Variants in TBC1D32 observed in about 807,000 individuals in gnomAD.
The protein encoded by TBC1D32 is protein broad-minded.
TBC1D32 carries 151 observed loss-of-function variants against 170.3 expected under a neutral mutation model. The observed-to-expected ratio is 0.89, with a 90% CI of 0.78 to 1.01. TBC1D32 has a LOEUF of 1.01. TBC1D32 is among the 50% of genes least tolerant of loss of function. The pLI, the probability that TBC1D32 is intolerant of heterozygous loss-of-function variation, is 0.00. For synonymous variants in TBC1D32, 498 were observed against 488.0 expected, an observed-to-expected ratio of 1.02 and a Z score of -0.27; for missense variants, 1,464 against 1,457.1, an observed-to-expected ratio of 1.00 and a Z score of -0.08.
chr6:121,279,074 A>G, intron 15 of TBC1D32, 47 bp downstream of exon 15: 1 of 1,558,894 alleles, frequency 6.4e-7, no homozygotes, highest in Non-Finnish European at 8.6e-7. Context: ...TTGTCAGAAA[A>G]CCAAACTATA....
intron 24 of TBC1D32, among the ~76,000 whole-genome samples, chr6:121,147,475 C>T (rs932814667): frequency 3.3e-5 from 5 of 152,176 alleles, no homozygotes. Context: ...GCCCTGCCAA[C>T]ATCTGTTATT....
At chr6:121,170,424 C>A in intron 22 of TBC1D32, 2 of 1,603,188 alleles carry the variant, frequency 1.2e-6, no homozygotes, top group Non-Finnish European at 1.7e-6. Flanking sequence ...TCAGAAATCT[C>A]CAAGATATTT....
chr6:121,333,011 T>C (rs971739094), intron 1 of TBC1D32, among the ~76,000 whole-genome samples: 4 of 152,056 alleles, frequency 2.6e-5, no homozygotes, highest in Admixed American at 6.6e-5. Flanking sequence ...CTGTAAATAC[T>C]CCCCCTATAA....
chr6:121,092,752 T>G (rs546329367), intron 30 of TBC1D32, among the ~76,000 whole-genome samples: 1 of 152,232 alleles, frequency 6.6e-6, no homozygotes, highest in Non-Finnish European at 1.5e-5. Context: ...ATAAAGACAC[T>G]TGTGATATTG....
intron 3 of TBC1D32, among the ~76,000 whole-genome samples, chr6:121,315,323 C>T (rs1236318910): frequency 6.6e-6 from 1 of 152,120 alleles, no homozygotes; most frequent in Non-Finnish European, 1.5e-5. Context: ...ATTATTATAG[C>T]TGGTATTATT....
At chr6:121,232,447 A>G (rs1795859855) in intron 20 of TBC1D32, among the ~76,000 whole-genome samples, 1 of 151,974 alleles carries the variant, frequency 6.6e-6, no homozygotes, top group Admixed American at 6.6e-5. Context: ...TGTTTGTTCT[A>G]GTTGTGTGAA....
At chr6:121,104,651 C>T (rs546543351) in intron 30 of TBC1D32, among the ~76,000 whole-genome samples, 3 of 151,446 alleles carry the variant, frequency 2.0e-5, no homozygotes, top group South Asian at 2.1e-4. Context: ...TAATTATTAA[C>T]CATAGGCAAA....
In TBC1D32 at chr6:121,192,082, A is replaced by ATATATATATATATC. The variant is rs57260767; in HGVS notation, c.2570+12992_2570+12993insGATATATATATATA. The stretch of plus-strand genomic sequence containing the variant: ...AACTACCCTTTATATATATATATAT[A>ATATATATATATATC]TCCTATTAGTTCTATCCTTCTGGGG... On this transcript the variant is annotated intron_variant, in intron 22 of 31. Transcript: ENST00000398212. 1.8e-3 allele frequency among the ~76,000 whole-genome samples: 246 copies of ATATATATATATATC among 133,682 alleles called. 3 individuals are homozygous for ATATATATATATATC. The highest frequency in any genetic ancestry group is 3.6e-3 in the Middle Eastern group (1 of 276). 87.7% of individuals were successfully genotyped at this position (133,682 alleles called of 152,430 possible).
chr6:121,145,958 C>A lies in TBC1D32; in HGVS notation c.2773+14052G>T, dbSNP rs534883387. On this transcript the variant is annotated intron_variant, in intron 24 of 31. Coordinates refer to ENST00000398212, the MANE Select transcript of TBC1D32 (RefSeq NM_152730.6). ...AAGAGTAGACATAGGGCAAGTAGAA[C>A]AGATAGGTGTGGAGGCTCTAGCTGG... Among the ~76,000 whole-genome samples, 4 of 152,198 alleles carry A rather than the reference C, an allele frequency of 2.6e-5. No individual in the cohort carries two copies. In the South Asian group the frequency reaches 8.3e-4, roughly 32 times the overall value.
chr6:121,097,182 C>T (rs1345247326), intron 30 of TBC1D32, among the ~76,000 whole-genome samples: 1 of 151,976 alleles, frequency 6.6e-6, no homozygotes, highest in Non-Finnish European at 1.5e-5. Flanking sequence ...GCAATAAAAG[C>T]CGAAATTGAC....
At chr6:121,247,513 A>T (rs1797757915) in intron 17 of TBC1D32, among the ~76,000 whole-genome samples, 1 of 151,870 alleles carries the variant, frequency 6.6e-6, no homozygotes, top group Non-Finnish European at 1.5e-5. Context: ...GCTCCACTTC[A>T]AAGAAACAGA....
intron 22 of TBC1D32, among the ~76,000 whole-genome samples, chr6:121,171,062 G>T (rs1265710876): frequency 2.6e-5 from 4 of 151,800 alleles, no homozygotes; most frequent in Admixed American, 6.6e-5. Context: ...CTATTATAAT[G>T]CAAGAGGACA....
At chr6:121,152,141 G>A (rs1784297917) in intron 24 of TBC1D32, among the ~76,000 whole-genome samples, 2 of 152,114 alleles carry the variant, frequency 1.3e-5, no homozygotes, top group Non-Finnish European at 2.9e-5. Flanking sequence ...GGCTGGTACT[G>A]GTTTTTCCTT....
At chr6:121,124,543 C>A (rs538471060) in intron 26 of TBC1D32, among the ~76,000 whole-genome samples, 10 of 151,994 alleles carry the variant, frequency 6.6e-5, no homozygotes, top group African/African-American at 2.4e-4. Flanking sequence ...TGACCTTTGA[C>A]CTTCTTGTAT....
intron 22 of TBC1D32, among the ~76,000 whole-genome samples, chr6:121,193,127 A>G (rs1185308098): frequency 6.6e-6 from 1 of 152,180 alleles, no homozygotes; most frequent in African/African-American, 2.4e-5. Flanking sequence ...GTATGGGAAA[A>G]TGGTGGGAGG....
At chr6:121,242,946 T>A (rs1314823085) in intron 17 of TBC1D32, among the ~76,000 whole-genome samples, 1 of 152,060 alleles carries the variant, frequency 6.6e-6, no homozygotes, top group Non-Finnish European at 1.5e-5. Flanking sequence ...AAACCCATGT[T>A]GCATTTGAAA....
chr6:121,148,626 T>G (rs1783790447), intron 24 of TBC1D32, among the ~76,000 whole-genome samples: 1 of 152,006 alleles, frequency 6.6e-6, no homozygotes, highest in South Asian at 2.1e-4. Flanking sequence ...CTATTTCTTT[T>G]TTTTTTAGAT....
chr6:121,113,107 C>G lies in TBC1D32; in HGVS notation c.3124G>C (p.Glu1042Gln), dbSNP rs746669245. The change falls in exon 28 of 32, where the codon GAG (glutamate) becomes CAG (glutamine). Residue 1042 changes from glutamate (E) to glutamine (Q), a missense_variant. By Grantham distance (29) the Glu-to-Gln change is conservative. Around this residue, in one of 3 missense-constraint regions of TBC1D32, gnomAD observed 1,363 missense variants for 1,338.1 expected, o/e 1.02. Coordinates refer to ENST00000398212, the MANE Select transcript of TBC1D32 (RefSeq NM_152730.6). Reference protein sequence around the residue: ...NDLTWVLKHCERFLKQQQTSI... With the variant: ...NDLTWVLKHCQRFLKQQQTSI... Reference sequence around the variant, plus strand: ...GTTTGCTGCTGTTTCAGGAATCTCTCACAATGCTTTAAAACCCAGGTAAGA... The same window carrying G: ...GTTTGCTGCTGTTTCAGGAATCTCTGACAATGCTTTAAAACCCAGGTAAGA... 4.3e-6 allele frequency: 7 copies of G among 1,611,574 alleles called. No individual in the cohort carries two copies. The highest frequency in any genetic ancestry group is 5.9e-6 in the Non-Finnish European group (7 of 1,178,876).
intron 21 of TBC1D32, among the ~76,000 whole-genome samples, chr6:121,208,729 G>GAAAAAAAAAAAAAAAAAAAAAAAAAAAAA (rs57771111): frequency 1.2e-5 from 1 of 86,898 alleles, no homozygotes; most frequent in African/African-American, 3.6e-5. Context: ...GAAACACCTG[G>GAAAAAAAAAAAAAAAAAAAAAAAAAAAAA]AAAAAAAAAA....
Sources: allele counts gnomAD v4.1 joint callset (sites outside exome capture counted in the v4.1 genomes callset), GRCh38; gene constraint gnomAD v4.1.1; regional missense constraint gnomAD v4.1.1; transcripts MANE v1.5; gene names NCBI Gene and HGNC (gene_info 2026-07-23, HGNC 2026-07-21).